ELAVL2: variants seen among roughly 807,000 people sequenced by gnomAD.
ELAVL2 encodes the protein ELAV-like protein 2.
ELAVL2 carries 4 observed loss-of-function variants against 34.6 expected under a neutral mutation model. The observed-to-expected ratio is 0.12, with a 90% confidence interval of 0.06 to 0.26. The LOEUF is 0.26. Ranked by LOEUF, ELAVL2 falls within the 10% of genes least tolerant of loss-of-function variation. The pLI is 1.00. For synonymous variants in ELAVL2, 193 were observed against 154.8 expected, an observed-to-expected ratio of 1.25 and a Z score of -1.83; for missense variants, 432 against 442.8, an observed-to-expected ratio of 0.98 and a Z score of 0.22.
intron 1 of ELAVL2, among the ~76,000 whole-genome samples, chr9:23,821,008 G>T (rs1316908054): frequency 1.3e-5 from 2 of 152,172 alleles, no homozygotes; most frequent in Non-Finnish European, 2.9e-5. Flanking sequence ...CGCACACAAC[G>T]CGGCCGGTGT....
At chr9:23,761,917 T>A in intron 2 of ELAVL2, 89 bp downstream of exon 2, 2 of 1,410,654 alleles carry the variant, frequency 1.4e-6, no homozygotes, top group South Asian at 3.1e-5. Context: ...ATTGCAGCAG[T>A]GAATTATTTA....
chr9:23,813,412 C>CA (rs2063287105), intron 1 of ELAVL2, among the ~76,000 whole-genome samples: 1 of 132,892 alleles, frequency 7.5e-6, no homozygotes, highest in East Asian at 2.2e-4. Context: ...CTCATATCGG[C>CA]TTTTTTTTTT....
At chr9:23,740,491 T>C (rs2048908800) in intron 2 of ELAVL2, among the ~76,000 whole-genome samples, 1 of 152,204 alleles carries the variant, frequency 6.6e-6, no homozygotes, top group South Asian at 2.1e-4. Flanking sequence ...GGAAATTACT[T>C]TGTGGCAGAA....
chr9:23,731,130 T>C lies in ELAVL2; in HGVS notation c.230-5A>G, dbSNP rs748506383. ...AGCCATATCCCAAGCTCTGCCCTAA[T>C]GAAAAGGAAGGGGAAAAAGGCATAT... is the stretch of plus-strand genomic sequence containing the variant. On this transcript the variant is annotated splice_polypyrimidine_tract_variant and splice_region_variant and intron_variant, in intron 2 of 6. Transcript: ENST00000397312. 3.1e-6 allele frequency: 5 copies of C among 1,609,166 alleles called. No homozygotes were observed. Among genetic ancestry groups the C allele is most frequent in the East Asian group, 2.2e-5 (1 of 44,798 alleles).
In ELAVL2 at chr9:23,760,988, T is replaced by C. The variant is rs748115331; in HGVS notation, c.229+1018A>G. ...AGAAATGGCCCAGTGTTACCCCCTT[T>C]TTCTCTGCCTTTTACCTTATTTTGC... On this transcript the variant is annotated intron_variant, in intron 2 of 6. Coordinates refer to ENST00000397312, the MANE Select transcript of ELAVL2 (RefSeq NM_004432.5). Among the ~76,000 whole-genome samples, 7 of 152,148 alleles carry C rather than the reference T, an allele frequency of 4.6e-5. No individual in the cohort carries two copies. The East Asian group carries it at 5.8e-4, about 13-fold the overall frequency.
At chr9:23,769,105 G>A (rs1256976977) in intron 1 of ELAVL2, among the ~76,000 whole-genome samples, 1 of 152,068 alleles carries the variant, frequency 6.6e-6, no homozygotes, top group East Asian at 1.9e-4. Flanking sequence ...CAGTACAAAG[G>A]CCTTCCTTCT....
intron 3 of ELAVL2, among the ~76,000 whole-genome samples, chr9:23,726,474 G>T (rs1468809470): frequency 6.6e-6 from 1 of 151,708 alleles, no homozygotes; most frequent in Non-Finnish European, 1.5e-5. Flanking sequence ...TTCTTTTGAG[G>T]GGTCAGAACT....
In ELAVL2 at chr9:23,826,045, G is replaced by C. The variant is rs1239672513; in HGVS notation, c.-255C>G. ...AACTTAAAAAAGAGTTTAAAAAGAC[G>C]GAGAGACTACCCTCCTATTGCCGTT... is the stretch of plus-strand genomic sequence containing the variant. On this transcript the variant is annotated 5_prime_UTR_variant, in exon 1 of 7. Coordinates refer to ENST00000397312, the MANE Select transcript of ELAVL2 (RefSeq NM_004432.5). 1 of 152,164 alleles carries C rather than the reference G, an allele frequency of 6.6e-6. No homozygotes were observed. Among genetic ancestry groups the C allele is most frequent in the East Asian group, 1.9e-4 (1 of 5,196 alleles). The allele number at this position is 152,164 out of a possible 1,614,324, so 9.4% of individuals were successfully genotyped here. A position where few individuals can be genotyped will look rare whatever the true frequency, so the allele number is the denominator to read the frequency against.
At chr9:23,699,885 G>A (rs1175928288) in intron 5 of ELAVL2, among the ~76,000 whole-genome samples, 1 of 128,626 alleles carries the variant, frequency 7.8e-6, no homozygotes, top group Non-Finnish European at 1.6e-5. Flanking sequence ...AGCAGAGCAT[G>A]AAGTACAAGG....
chr9:23,721,065 G>A (rs1226323577), intron 3 of ELAVL2, among the ~76,000 whole-genome samples: 1 of 152,174 alleles, frequency 6.6e-6, no homozygotes, highest in Non-Finnish European at 1.5e-5. Context: ...AACAACCACG[G>A]ATGCCAAGCC....
intron 1 of ELAVL2, among the ~76,000 whole-genome samples, chr9:23,817,168 C>G (rs2063831339): frequency 6.6e-6 from 1 of 151,922 alleles, no homozygotes; most frequent in African/African-American, 2.4e-5. Context: ...CAGACCTTAT[C>G]TCCTATTCAT....
At chr9:23,697,391 G>C (rs1186458939) in intron 5 of ELAVL2, among the ~76,000 whole-genome samples, 1 of 152,146 alleles carries the variant, frequency 6.6e-6, no homozygotes, top group African/African-American at 2.4e-5. Context: ...TTATGGTCTT[G>C]CTTTAAAAGA....
the ELAVL2 span, among the ~76,000 whole-genome samples, chr9:23,845,550 A>AAGT: frequency 1.3e-5 from 2 of 151,704 alleles, no homozygotes; most frequent in Admixed American, 1.3e-4. Context: ...TGTGGGTTGA[A>AAGT]ATGCTCAAGC....
At chr9:23,705,094 A>G (rs768830241) in intron 3 of ELAVL2, 23 bp from the exon 4 acceptor site, 1 of 1,613,570 alleles carries the variant, frequency 6.2e-7, no homozygotes, top group Admixed American at 1.7e-5. Flanking sequence ...AATAAAATTA[A>G]ATGTATATGC....
At position 23,803,851 on chromosome 9, in the gene ELAVL2, C is replaced by T. The variant is rs2061874821; in HGVS notation, c.-16+21955G>A. Among the ~76,000 whole-genome samples the T allele has an allele frequency of 2.6e-5, 4 of 152,194 alleles. No homozygotes were observed. In the South Asian group the frequency reaches 8.3e-4, roughly 32 times the overall value. On this transcript the variant is annotated intron_variant, in intron 1 of 6. Coordinates refer to ENST00000397312, the MANE Select transcript of ELAVL2 (RefSeq NM_004432.5). Reference sequence around the variant, plus strand: ...TCCCAATGTTTGCAGCAGACCTCACCAAACTCCCATAAACTCACGTTTTCT... The same window carrying T: ...TCCCAATGTTTGCAGCAGACCTCACTAAACTCCCATAAACTCACGTTTTCT...
intron 2 of ELAVL2, among the ~76,000 whole-genome samples, chr9:23,743,112 T>C (rs974246883): frequency 6.6e-6 from 1 of 152,172 alleles, no homozygotes; most frequent in South Asian, 2.1e-4. Flanking sequence ...TTGTAAAGGC[T>C]ATGGGTCAGA....
At chr9:23,765,136 G>A in intron 1 of ELAVL2, 2 of 1,550,414 alleles carry the variant, frequency 1.3e-6, no homozygotes, top group Non-Finnish European at 1.7e-6. Flanking sequence ...TATGTTAGAT[G>A]AGCAAGATAA....
At chr9:23,791,691 C>T (rs2137240748) in intron 1 of ELAVL2, among the ~76,000 whole-genome samples, 1 of 152,312 alleles carries the variant, frequency 6.6e-6, no homozygotes, top group Non-Finnish European at 1.5e-5. Flanking sequence ...TCCTTCTTTA[C>T]ATACCCAGAG....
Position 23,772,534 on chromosome 9 carries a change from C to CAAA in ELAVL2, c.-15-10288_-15-10286dup, listed in dbSNP as rs11450267. 4.5e-3 allele frequency among the ~76,000 whole-genome samples: 306 copies of CAAA among 67,510 alleles called. 4 individuals carry two copies. Among genetic ancestry groups the CAAA allele is most frequent in the East Asian group, 0.012 (25 of 2,014 alleles). The allele number at this position is 67,510 out of a possible 152,430, so 44.3% of individuals were successfully genotyped here. On this transcript the variant is annotated intron_variant, in intron 1 of 6. Transcript: ENST00000397312. Reference sequence around the variant, plus strand: ...CTGTTTAACCTCAAGCAGCTTACACCAAAAAAAAAAAAAAAAAAAAAAAGG... The same window carrying CAAA: ...CTGTTTAACCTCAAGCAGCTTACACCAAAAAAAAAAAAAAAAAAAAAAAAAAGG...
Sources: gnomAD v4.1 joint callset for allele counts (sites outside exome capture counted in the v4.1 genomes callset) on GRCh38, gnomAD v4.1.1 for gene constraint, MANE v1.5 for transcripts, NCBI Gene and HGNC (gene_info 2026-07-23, HGNC 2026-07-21) for gene names.